SYNPR: variants seen among roughly 807,000 people sequenced by gnomAD.
SYNPR encodes synaptoporin.
SYNPR carries 23 observed loss-of-function variants against 32.9 expected under a neutral mutation model. The observed-to-expected ratio is 0.70, with a 90% CI of 0.50 to 0.99. The LOEUF is 0.99. Ranked by LOEUF, SYNPR falls within the 50% of genes least tolerant of loss-of-function variation. SYNPR has a pLI of 0.00. For missense variants in SYNPR, 318 were observed against 349.3 expected, an observed-to-expected ratio of 0.91 and a Z score of 0.71; for synonymous variants, 146 against 135.9, an observed-to-expected ratio of 1.07 and a Z score of -0.52.
At chr3:63,561,609 T>C (rs954496911) in intron 4 of SYNPR, 27 of 152,174 alleles carry the variant, frequency 1.8e-4, no homozygotes, top group Admixed American at 6.5e-5. Context: ...AGGATTTTAT[T>C]TTATTTGCCT....
chr3:63,232,418 G>C (rs775773285), intron 1 of SYNPR, among the ~76,000 whole-genome samples: 3 of 152,026 alleles, frequency 2.0e-5, no homozygotes, highest in Non-Finnish European at 4.4e-5. Flanking sequence ...GGCCAGGCTG[G>C]TCTCGAGCTC....
chr3:63,528,423 G>A (rs1220086145), intron 3 of SYNPR, among the ~76,000 whole-genome samples: 1 of 151,886 alleles, frequency 6.6e-6, no homozygotes, highest in African/African-American at 2.4e-5. Context: ...CTTTTTTGAT[G>A]GAGCATCTCA....
intron 3 of SYNPR, among the ~76,000 whole-genome samples, chr3:63,273,299 T>G (rs1240760881): frequency 6.6e-6 from 1 of 152,228 alleles, no homozygotes; most frequent in African/African-American, 2.4e-5. Context: ...CTCTGCTGTT[T>G]ACTCTCTATA....
At chr3:63,564,438 A>G (rs1234480898) in intron 4 of SYNPR, among the ~76,000 whole-genome samples, 2 of 150,442 alleles carry the variant, frequency 1.3e-5, no homozygotes, top group Non-Finnish European at 3.0e-5. Context: ...CTTGCGATCC[A>G]CCTGCCTCAG....
At chr3:63,283,623 C>CTT (rs10650958) in intron 2 of SYNPR, among the ~76,000 whole-genome samples, 3,834 of 111,486 alleles carry the variant, frequency 0.034, 223 homozygotes, top group Middle Eastern at 0.054. Context: ...ACAGATAATT[C>CTT]TTTTTTTTTT....
At chr3:63,604,033 A>G (rs1700082191) in intron 4 of SYNPR, among the ~76,000 whole-genome samples, 1 of 152,122 alleles carries the variant, frequency 6.6e-6, no homozygotes, top group Non-Finnish European at 1.5e-5. Flanking sequence ...AGAAGTCATT[A>G]TTAGTCTGTT....
intron 3 of SYNPR, among the ~76,000 whole-genome samples, chr3:63,523,529 A>G (rs1315998123): frequency 1.3e-5 from 2 of 152,126 alleles, no homozygotes; most frequent in South Asian, 2.1e-4. Flanking sequence ...CACCAAAGGT[A>G]GTAACCATCA....
intron 3 of SYNPR, among the ~76,000 whole-genome samples, chr3:63,497,221 G>C (rs1320198358): frequency 6.6e-6 from 1 of 152,076 alleles, no homozygotes; most frequent in Non-Finnish European, 1.5e-5. Flanking sequence ...CGAACATTTT[G>C]AAAATTTGTA....
At chr3:63,575,822 T>A (rs1418120495) in intron 4 of SYNPR, among the ~76,000 whole-genome samples, 1 of 152,146 alleles carries the variant, frequency 6.6e-6, no homozygotes, top group African/African-American at 2.4e-5. Flanking sequence ...GTTTATGGCT[T>A]TTCCAAGCCT....
chr3:63,552,736 T>C (rs1013597368), intron 3 of SYNPR, among the ~76,000 whole-genome samples: 1 of 152,156 alleles, frequency 6.6e-6, no homozygotes, highest in Admixed American at 6.5e-5. Context: ...AATGTCCTTA[T>C]TATTTAACAT....
At chr3:63,540,921 C>CACACAAA (rs1702287943) in intron 3 of SYNPR, among the ~76,000 whole-genome samples, 1 of 102,442 alleles carries the variant, frequency 9.8e-6, no homozygotes, top group Non-Finnish European at 2.3e-5. Flanking sequence ...CACACACAAT[C>CACACAAA]CCCCCCCCAA....
At chr3:63,311,603 T>C (rs2086964836) in intron 2 of SYNPR, among the ~76,000 whole-genome samples, 1 of 151,948 alleles carries the variant, frequency 6.6e-6, no homozygotes, top group Non-Finnish European at 1.5e-5. Flanking sequence ...ACCCCGTCCA[T>C]GGAAAAATCG....
At chr3:63,238,147 G>C (rs2086213155) in intron 1 of SYNPR, among the ~76,000 whole-genome samples, 1 of 152,052 alleles carries the variant, frequency 6.6e-6, no homozygotes, top group African/African-American at 2.4e-5. Context: ...AGTTCCTTAA[G>C]TCCTGAGGTC....
chr3:63,548,866 C>T (rs149172755), intron 3 of SYNPR, among the ~76,000 whole-genome samples: 179 of 152,266 alleles, frequency 1.2e-3, no homozygotes, highest in African/African-American at 4.0e-3. Context: ...ACTGAACCAC[C>T]GCCAAATGTA....
chr3:63,555,097 T>C (rs1258605694), intron 3 of SYNPR, among the ~76,000 whole-genome samples: 4 of 151,968 alleles, frequency 2.6e-5, no homozygotes, highest in Non-Finnish European at 5.9e-5. Context: ...TTTATCAGTT[T>C]TAGTAGGCTT....
In SYNPR at chr3:63,278,672, C is replaced by A. The variant is rs1031078471; in HGVS notation, c.19-5C>A. ...CTTTCTCTCTCTCGCCTCATTCCCCCAAAGCTGGCCTCTGCGGGCACCTTC... is the reference window on the plus strand; with the variant it reads ...CTTTCTCTCTCTCGCCTCATTCCCCAAAAGCTGGCCTCTGCGGGCACCTTC... On this transcript the variant is annotated splice_polypyrimidine_tract_variant and splice_region_variant and intron_variant, in intron 1 of 5. Coordinates refer to ENST00000478300, the MANE Select transcript of SYNPR (RefSeq NM_001130003.2). 3.5e-5 allele frequency: 54 copies of A among 1,551,582 alleles called. No individual in the cohort carries two copies. The highest frequency in any genetic ancestry group is 4.4e-5 in the Non-Finnish European group (50 of 1,146,980).
At chr3:63,437,410 T>G (rs1481073931) in intron 2 of SYNPR, among the ~76,000 whole-genome samples, 3 of 152,212 alleles carry the variant, frequency 2.0e-5, no homozygotes, top group South Asian at 4.1e-4. Flanking sequence ...GAGCTGGAAC[T>G]AGAATCCACC....
At chr3:63,285,132 C>T (rs567529010) in intron 2 of SYNPR, among the ~76,000 whole-genome samples, 1 of 152,328 alleles carries the variant, frequency 6.6e-6, no homozygotes, top group East Asian at 1.9e-4. Flanking sequence ...GTGTTTATCT[C>T]AGTCATCAAC....
rs114174584 is a variant in SYNPR at position 63,228,846 on chromosome 3, C to T, written n.66+466C>T. 2.5e-3 allele frequency among the ~76,000 whole-genome samples: 384 copies of T among 151,934 alleles called. 6 individuals are homozygous for T. The highest frequency in any genetic ancestry group is 8.7e-3 in the African/African-American group (359 of 41,446). The stretch of plus-strand genomic sequence containing the variant: ...AAAAACAATCAAACTTCTAGTTTTG[C>T]TTTCACGCCATCTGAGACCCGGGCA... On this transcript the variant is annotated intron_variant and non_coding_transcript_variant, in intron 1 of 4. Transcript: ENST00000478456.
Sources: gnomAD v4.1 joint callset for allele counts (sites outside exome capture counted in the v4.1 genomes callset) on GRCh38, gnomAD v4.1.1 for gene constraint, MANE v1.5 for transcripts, NCBI Gene and HGNC (gene_info 2026-07-23, HGNC 2026-07-21) for gene names.